Variants in KCND2 observed in about 807,000 individuals in gnomAD.
KCND2 encodes the protein potassium voltage-gated channel subfamily D member 2, also known as A-type voltage-gated potassium channel KCND2.
A neutral mutation model predicts 54.4 loss-of-function variants in KCND2; 16 were observed. The observed-to-expected ratio is 0.29, with a 90% CI of 0.20 to 0.45. The LOEUF (loss-of-function observed/expected upper bound fraction) is 0.45, where lower values mean the gene tolerates loss of function less well. Ranked by LOEUF, KCND2 falls within the 20% of genes least tolerant of loss-of-function variation. KCND2 has a pLI of 1.00. For missense variants in KCND2, 486 were observed against 824.2 expected, an observed-to-expected ratio of 0.59 and a Z score of 5.02; for synonymous variants, 317 against 310.7, an observed-to-expected ratio of 1.02 and a Z score of -0.21.
intron 1 of KCND2, among the ~76,000 whole-genome samples, chr7:120,630,256 T>C (rs1346951338): frequency 1.3e-5 from 2 of 152,144 alleles, no homozygotes; most frequent in Non-Finnish European, 2.9e-5. Context: ...TGAGTAAAAA[T>C]TCATTAAAAT....
chr7:120,583,926 T>C (rs1158005491), intron 1 of KCND2, among the ~76,000 whole-genome samples: 1 of 152,178 alleles, frequency 6.6e-6, no homozygotes, highest in Non-Finnish European at 1.5e-5. Flanking sequence ...TCATCCACCC[T>C]AATGTCTGAA....
intron 1 of KCND2, among the ~76,000 whole-genome samples, chr7:120,702,116 A>G (rs893970273): frequency 6.6e-6 from 1 of 152,028 alleles, no homozygotes; most frequent in African/African-American, 2.4e-5. Flanking sequence ...AAGAAAAAAA[A>G]ACATTAAAAA....
intron 1 of KCND2, among the ~76,000 whole-genome samples, chr7:120,645,100 G>A (rs1793422474): frequency 6.6e-6 from 1 of 152,152 alleles, no homozygotes; most frequent in African/African-American, 2.4e-5. Context: ...AATTGGTTTA[G>A]TAAAACAGAT....
intron 1 of KCND2, among the ~76,000 whole-genome samples, chr7:120,303,507 T>C (rs1159765353): frequency 1.3e-5 from 2 of 152,222 alleles, no homozygotes; most frequent in Non-Finnish European, 2.9e-5. Flanking sequence ...AAATCATGTT[T>C]AGCCTCCAAA....
In KCND2 at chr7:120,717,270, C is replaced by A. The variant is rs574360361; in HGVS notation, c.1116-15633C>A. 2.0e-5 allele frequency among the ~76,000 whole-genome samples: 3 copies of A among 152,158 alleles called. No individual in the cohort carries two copies. The South Asian group carries it at 6.2e-4, about 32-fold the overall frequency. On this transcript the variant is annotated intron_variant, in intron 1 of 5. Coordinates refer to ENST00000331113, the MANE Select transcript of KCND2 (RefSeq NM_012281.3). ...CATGACGATGTCAATGGTTTGATGT[C>A]AGGAGCAGACAATGTCAATGACTAC...
At chr7:120,402,188 A>G (rs1470054691) in intron 1 of KCND2, among the ~76,000 whole-genome samples, 1 of 152,152 alleles carries the variant, frequency 6.6e-6, no homozygotes, top group South Asian at 2.1e-4. Context: ...ATAGCTTCCC[A>G]TTGGCTCTGT....
At chr7:120,310,116 A>G (rs1799715537) in intron 1 of KCND2, among the ~76,000 whole-genome samples, 1 of 152,202 alleles carries the variant, frequency 6.6e-6, no homozygotes. Flanking sequence ...TGATGGCACT[A>G]TCACTGTACT....
intron 1 of KCND2, among the ~76,000 whole-genome samples, chr7:120,636,342 T>G (rs1793304837): frequency 1.3e-5 from 2 of 152,080 alleles, no homozygotes; most frequent in East Asian, 3.9e-4. Context: ...TTGAGCTAGT[T>G]GCAAAATTCC....
At chr7:120,294,464 G>A (rs576478085) in intron 1 of KCND2, among the ~76,000 whole-genome samples, 2 of 151,618 alleles carry the variant, frequency 1.3e-5, no homozygotes, top group South Asian at 2.1e-4. Flanking sequence ...ATAATTAATT[G>A]TATTTATTAT....
intron 1 of KCND2, among the ~76,000 whole-genome samples, chr7:120,371,794 G>A: frequency 6.6e-6 from 1 of 151,826 alleles, no homozygotes; most frequent in Non-Finnish European, 1.5e-5. Context: ...TTGTAGCCTA[G>A]GAGCAATAGG....
chr7:120,540,624 C>G (rs898795935), intron 1 of KCND2, among the ~76,000 whole-genome samples: 3 of 152,138 alleles, frequency 2.0e-5, no homozygotes, highest in Admixed American at 2.0e-4. Flanking sequence ...TCACATTTCC[C>G]AAACTTCTTA....
At chr7:120,453,184 G>T (rs1802141867) in intron 1 of KCND2, among the ~76,000 whole-genome samples, 1 of 152,138 alleles carries the variant, frequency 6.6e-6, no homozygotes, top group Non-Finnish European at 1.5e-5. Flanking sequence ...ATGTGTGTAG[G>T]CAGACCTTGC....
chr7:120,450,796 G>A (rs1802092456), intron 1 of KCND2, among the ~76,000 whole-genome samples: 1 of 152,120 alleles, frequency 6.6e-6, no homozygotes, highest in South Asian at 2.1e-4. Flanking sequence ...ATGACCTACT[G>A]ATCTACTGCC....
chr7:120,405,157 A>T lies in KCND2; in HGVS notation c.1115+129410A>T, dbSNP rs532684853. On this transcript the variant is annotated intron_variant, in intron 1 of 5. Coordinates refer to ENST00000331113, the MANE Select transcript of KCND2 (RefSeq NM_012281.3). The stretch of plus-strand genomic sequence containing the variant: ...ATTTTTTTTCAAAGGGGCCAGAATT[A>T]AAAATGTCCAGTACAGGTTTAGTCT... Among the ~76,000 whole-genome samples, 38 of 152,276 alleles carry T rather than the reference A, an allele frequency of 2.5e-4. 1 individual carries two copies. In the South Asian group the frequency reaches 7.0e-3, roughly 28 times the overall value.
intron 1 of KCND2, among the ~76,000 whole-genome samples, chr7:120,605,761 T>C (rs1048882451): frequency 6.6e-6 from 1 of 152,242 alleles, no homozygotes; most frequent in African/African-American, 2.4e-5. Flanking sequence ...ATAGTCATCC[T>C]AGTGGATGTG....
intron 1 of KCND2, among the ~76,000 whole-genome samples, chr7:120,424,423 A>G (rs1168556119): frequency 6.6e-6 from 1 of 152,206 alleles, no homozygotes; most frequent in Non-Finnish European, 1.5e-5. Context: ...GGTTTGTCAG[A>G]TACAATTTGC....
chr7:120,388,985 A>G (rs1801033026), intron 1 of KCND2, among the ~76,000 whole-genome samples: 1 of 151,488 alleles, frequency 6.6e-6, no homozygotes, highest in Non-Finnish European at 1.5e-5. Flanking sequence ...ATTTTGATGC[A>G]TCTACATTTT....
chr7:120,545,103 T>C (rs759392303), intron 1 of KCND2, among the ~76,000 whole-genome samples: 7 of 151,914 alleles, frequency 4.6e-5, no homozygotes, highest in African/African-American at 1.2e-4. Flanking sequence ...ACCATAGGTG[T>C]AAATATTTAG....
chr7:120,558,870 A>G (rs2116406788), intron 1 of KCND2, among the ~76,000 whole-genome samples: 1 of 152,276 alleles, frequency 6.6e-6, no homozygotes, highest in East Asian at 1.9e-4. Flanking sequence ...TATTATATCC[A>G]ACAGGGAATA....
Sources: gnomAD v4.1 joint callset for allele counts (sites outside exome capture counted in the v4.1 genomes callset) on GRCh38, gnomAD v4.1.1 for gene constraint, MANE v1.5 for transcripts, NCBI Gene and HGNC (gene_info 2026-07-23, HGNC 2026-07-21) for gene names.